Variants in SPATA7 observed in about 807,000 individuals in gnomAD.
SPATA7 encodes the protein spermatogenesis associated 7, also known as spermatogenesis-associated protein 7.
In SPATA7, 43 loss-of-function variants were observed where a neutral mutation model predicts 51.8. The ratio of observed to expected loss-of-function variants is 0.83; its 90% CI spans 0.65 to 1.07. The LOEUF (loss-of-function observed/expected upper bound fraction) is 1.07, where lower values mean the gene tolerates loss of function less well. Among genes scored for constraint, SPATA7 ranks in the 50% least tolerant of loss-of-function variants. SPATA7 has a pLI of 0.00. For missense variants in SPATA7, 683 were observed against 701.3 expected (o/e 0.97, Z 0.30); for synonymous variants, 230 against 252.8 (o/e 0.91, Z 0.86).
chr14:88,392,190 A>G (rs1419008728), intron 2 of SPATA7, among the ~76,000 whole-genome samples: 2 of 152,172 alleles, frequency 1.3e-5, no homozygotes, highest in African/African-American at 4.8e-5. Context: ...ATAATGATAA[A>G]CTTTAAAAAC....
chr14:88,393,470 A>C lies in SPATA7; in HGVS notation c.172A>C (p.Lys58Gln), dbSNP rs1006921525. 14 of 1,600,492 alleles carry C rather than the reference A, an allele frequency of 8.7e-6. No homozygotes were observed. The highest frequency in any genetic ancestry group is 1.2e-5 in the Non-Finnish European group (14 of 1,172,184). Reference sequence around the variant, plus strand: ...GAATCACATGGCTGTTCACTATAATAAAATCCTTTCAGCCAAAGGTAAAAA... The same window carrying C: ...GAATCACATGGCTGTTCACTATAATCAAATCCTTTCAGCCAAAGGTAAAAA... Reference protein sequence around the residue: ...VKNHMAVHYNKILSAKAAVDC... With the variant: ...VKNHMAVHYNQILSAKAAVDC... The change falls in exon 3 of 12, where the codon AAA becomes CAA. Residue 58 changes from lysine (K) to glutamine (Q), a missense_variant. Lys to Gln is a moderately conservative substitution (Grantham distance 53). Coordinates refer to ENST00000393545, the MANE Select transcript of SPATA7 (RefSeq NM_018418.5).
At chr14:88,404,224 CATACTTTTTAAAGTATTG>C (rs1480634239) in intron 4 of SPATA7, among the ~76,000 whole-genome samples, 1 of 152,236 alleles carries the variant, frequency 6.6e-6, no homozygotes, top group Non-Finnish European at 1.5e-5. Context: ...TATATTGATA[CATACTTTTTAAAGTATTG>C]ATACTTTTTA....
chr14:88,391,863 C>G (rs890482368), intron 2 of SPATA7: 2 of 175,266 alleles, frequency 1.1e-5, no homozygotes, highest in African/African-American at 4.8e-5. Context: ...GGCCTATGGG[C>G]CTCTTTATCC....
Position 88,432,454 on chromosome 14 carries a change from C to T in SPATA7, c.1083-681C>T, listed in dbSNP as rs187152184. Among the ~76,000 whole-genome samples, 160 of 152,186 alleles carry T rather than the reference C, an allele frequency of 1.1e-3. 2 individuals are homozygous for T. Among genetic ancestry groups the T allele is most frequent in the African/African-American group, 3.4e-3 (143 of 41,536 alleles). On this transcript the variant is annotated intron_variant, in intron 9 of 11. Transcript: ENST00000393545. ...CTAATTTCAGCTAATTAAAATCAAA[C>T]GTACAATAATATCCTAATTTTCTTG...
At position 88,438,338 on chromosome 14, in the gene SPATA7, C is replaced by T; in HGVS notation, c.1716C>T (p.Val572=). ...SPSQSVQFSS[V]KGDNNHDMEL... is the part of the protein sequence containing the mutation. Reference sequence around the variant, plus strand: ...CCCAATCTGTTCAGTTCTCCAGTGTCAAAGGCGACAATAATCATGACATGG... The same window carrying T: ...CCCAATCTGTTCAGTTCTCCAGTGTTAAAGGCGACAATAATCATGACATGG... The change falls in exon 12 of 12, where the codon GTC becomes GTT. Residue 572 remains valine, a synonymous_variant. Transcript: ENST00000393545. 1 of 1,613,986 alleles carries T rather than the reference C, an allele frequency of 6.2e-7. No individual in the cohort carries two copies. The highest frequency in any genetic ancestry group is 1.1e-5 in the South Asian group (1 of 91,064).
Position 88,469,890 on chromosome 14 carries a change from G to A in SPATA7, c.*23G>A, listed in dbSNP as rs767595166. Reference sequence around the variant, plus strand: ...TAACATTAACTGTTCTTCAGAGGCTGAGAAAATCACTTAAGAGAAATAAGT... The same window carrying A: ...TAACATTAACTGTTCTTCAGAGGCTAAGAAAATCACTTAAGAGAAATAAGT... On this transcript the variant is annotated 3_prime_UTR_variant, in exon 5 of 5. Transcript: ENST00000556406. This position sits in a 1 kb window ranked among gnomAD's most constrained non-coding sequence, Gnocchi z 4.3. 2 of 1,613,098 alleles carry A rather than the reference G, an allele frequency of 1.2e-6. No individual in the cohort carries two copies. Among genetic ancestry groups the A allele is most frequent in the East Asian group, 2.2e-5 (1 of 44,880 alleles).
intron 4 of SPATA7, among the ~76,000 whole-genome samples, chr14:88,399,669 C>G (rs1010690639): frequency 1.3e-5 from 2 of 152,154 alleles, no homozygotes; most frequent in Non-Finnish European, 2.9e-5. Context: ...ATATCTGGAT[C>G]ATTTGAATTA....
intron 4 of SPATA7, among the ~76,000 whole-genome samples, chr14:88,461,627 AAAG>A (rs2077318126): frequency 6.6e-6 from 1 of 152,056 alleles, no homozygotes; most frequent in South Asian, 2.1e-4. Context: ...CTTGGCTAGG[AAAG>A]GGAATTCCCT....
intron 1 of SPATA7, among the ~76,000 whole-genome samples, chr14:88,386,873 G>A (rs2075594432): frequency 6.6e-6 from 1 of 152,162 alleles, no homozygotes; most frequent in East Asian, 1.9e-4. Flanking sequence ...TCCGAATGTA[G>A]GAGATAACTA....
At chr14:88,423,908 A>G (rs1247602519) in intron 5 of SPATA7, among the ~76,000 whole-genome samples, 1 of 152,190 alleles carries the variant, frequency 6.6e-6, no homozygotes, top group Non-Finnish European at 1.5e-5. Context: ...ATTGTAGGTT[A>G]TGTCTTCTGA....
intron 1 of SPATA7, 123 bp from the exon 2 acceptor site, chr14:88,391,258 C>G: frequency 1.2e-6 from 1 of 858,352 alleles, no homozygotes; most frequent in East Asian, 2.8e-5. Flanking sequence ...AAAACGCAAT[C>G]ACCTTTTAGG....
intron 4 of SPATA7, among the ~76,000 whole-genome samples, chr14:88,406,443 T>A (rs1774718847): frequency 6.6e-6 from 1 of 151,698 alleles, no homozygotes; most frequent in African/African-American, 2.4e-5. Context: ...ACTTTTTTTT[T>A]TTTTTTAGCA....
At chr14:88,419,675 G>A (rs191870720) in intron 5 of SPATA7, among the ~76,000 whole-genome samples, 2 of 151,588 alleles carry the variant, frequency 1.3e-5, no homozygotes, top group Admixed American at 1.3e-4. Context: ...ACAGGCACCC[G>A]CCACCACGCC....
chr14:88,427,376 T>G (rs2139998880), intron 6 of SPATA7, among the ~76,000 whole-genome samples: 1 of 152,314 alleles, frequency 6.6e-6, no homozygotes, highest in Non-Finnish European at 1.5e-5. Flanking sequence ...TATCTGGCAG[T>G]AGGTTTTAGT....
At chr14:88,389,525 A>G (rs1356678933) in intron 1 of SPATA7, among the ~76,000 whole-genome samples, 1 of 152,160 alleles carries the variant, frequency 6.6e-6, no homozygotes, top group African/African-American at 2.4e-5. Context: ...CATTTTTAAT[A>G]TGACATGTAT....
downstream of SPATA7, among the ~76,000 whole-genome samples, chr14:88,442,284 G>A (rs1281092529): frequency 6.6e-6 from 1 of 152,016 alleles, no homozygotes; most frequent in Non-Finnish European, 1.5e-5. Flanking sequence ...CTGCCTCCTG[G>A]GTTCAAGCGA....
At chr14:88,443,671 C>T (rs1193342996) in intron 3 of SPATA7, among the ~76,000 whole-genome samples, 1 of 150,516 alleles carries the variant, frequency 6.6e-6, no homozygotes, top group Non-Finnish European at 1.5e-5. Flanking sequence ...GTGTGATGTT[C>T]CCTTTCCTGT....
At position 88,421,664 on chromosome 14, in the gene SPATA7, A is replaced by G. The variant is rs147733915; in HGVS notation, c.373-4568A>G. On this transcript the variant is annotated intron_variant, in intron 5 of 11. Coordinates refer to ENST00000393545, the MANE Select transcript of SPATA7 (RefSeq NM_018418.5). ...ATTTAAGAAATAATTAGAAAGTAGA[A>G]TCTCGGCCGGGCGTGGTGGCTCATG... Among the ~76,000 whole-genome samples the G allele has an allele frequency of 2.0e-3, 310 of 152,194 alleles. 3 individuals are homozygous for G. Among genetic ancestry groups the G allele is most frequent in the African/African-American group, 7.1e-3 (293 of 41,556 alleles).
At chr14:88,438,509 G>A (rs1247523222), downstream of SPATA7, 1 of 1,071,992 alleles carries the variant, frequency 9.3e-7, no homozygotes, top group Middle Eastern at 2.5e-4. Context: ...TTTCTCTATT[G>A]GTTTTCTGTG....
Sources: gnomAD v4.1 joint callset for allele counts (sites outside exome capture counted in the v4.1 genomes callset) on GRCh38, gnomAD v4.1.1 for gene constraint, Gnocchi (gnomAD v3.1) non-coding constraint, MANE v1.5 for transcripts, NCBI Gene and HGNC (gene_info 2026-07-23, HGNC 2026-07-21) for gene names.